Variants in COLQ observed in about 807,000 individuals in gnomAD.
COLQ encodes collagen like tail subunit of asymmetric acetylcholinesterase.
A neutral mutation model predicts 69.0 loss-of-function variants in COLQ; 48 were observed. That is an observed-to-expected ratio of 0.70 (90% confidence interval 0.55 to 0.88). COLQ has a LOEUF of 0.88. COLQ is among the 40% of genes least tolerant of loss of function. The pLI is 0.00. For missense variants in COLQ, 618 were observed against 594.6 expected (o/e 1.04, Z -0.41); for synonymous variants, 217 against 211.2 (o/e 1.03, Z -0.24).
At chr3:15,502,408 T>A (rs1481870592) in intron 1 of COLQ, among the ~76,000 whole-genome samples, 2 of 151,942 alleles carry the variant, frequency 1.3e-5, no homozygotes, top group Non-Finnish European at 1.5e-5. Flanking sequence ...TGAGCCACCA[T>A]GCCCAGTCTT....
chr3:15,487,025 C>T (rs562982321), intron 3 of COLQ, among the ~76,000 whole-genome samples: 2 of 152,220 alleles, frequency 1.3e-5, no homozygotes, highest in African/African-American at 2.4e-5. Context: ...AGTTTGCCAA[C>T]CCCTGCCATT....
intron 1 of COLQ, among the ~76,000 whole-genome samples, chr3:15,507,735 G>A (rs1477249785): frequency 6.6e-6 from 1 of 152,186 alleles, no homozygotes; most frequent in Non-Finnish European, 1.5e-5. Context: ...GATTACAGGC[G>A]TGAGCCACTG....
rs1161842284 is a variant in COLQ, at chr3:15,473,319, T to A, written c.636+681A>T. Among the ~76,000 whole-genome samples the A allele has an allele frequency of 6.6e-6, 1 of 152,138 alleles. No individual in the cohort carries two copies. The highest frequency in any genetic ancestry group is 6.6e-5 in the Admixed American group (1 of 15,260). On this transcript the variant is annotated intron_variant, in intron 10 of 16. Transcript: ENST00000383788. This position sits in a 1 kb window ranked among gnomAD's most constrained non-coding sequence, Gnocchi z 4.0. ...GGTGCGAACTACCATGCCCAGCTAA[T>A]GTTTTGTATATTTTTCTTGGTAGAA...
intron 3 of COLQ, 44 bp from the exon 4 acceptor site, chr3:15,479,426 G>A (rs767917365): frequency 1.9e-6 from 3 of 1,589,766 alleles, no homozygotes; most frequent in Non-Finnish European, 2.6e-6. Context: ...ATATCAGTCT[G>A]AAGCTGGATG....
rs760371058 is a variant in COLQ at position 15,489,227 on chromosome 3, A to AGTT, written c.219+295_219+297dup. 1.2e-3 allele frequency among the ~76,000 whole-genome samples: 187 copies of AGTT among 152,240 alleles called. 4 individuals are homozygous for AGTT. Among genetic ancestry groups the AGTT allele is most frequent in the Non-Finnish European group, 4.0e-4 (27 of 68,050 alleles). On this transcript the variant is annotated intron_variant, in intron 2 of 16. Coordinates refer to ENST00000383788, the MANE Select transcript of COLQ (RefSeq NM_005677.4). Reference sequence around the variant, plus strand: ...TTGAGCAGCTGATGGGAACCCAGGAAGTTATATTATAAATTCACCTCATGG... The same window carrying AGTT: ...TTGAGCAGCTGATGGGAACCCAGGAAGTTGTTATATTATAAATTCACCTCATGG...
chr3:15,494,344 A>G (rs1354589464), intron 1 of COLQ, among the ~76,000 whole-genome samples: 1 of 152,124 alleles, frequency 6.6e-6, no homozygotes, highest in African/African-American at 2.4e-5. Context: ...TGATGCAGAG[A>G]AACGGGGCCA....
intron 13 of COLQ, 85 bp downstream of exon 13, chr3:15,458,101 C>T: frequency 2.0e-6 from 3 of 1,486,574 alleles, no homozygotes; most frequent in East Asian, 2.3e-5. Context: ...GTTAGTTTTA[C>T]TGAAAGGATT....
intron 12 of COLQ, among the ~76,000 whole-genome samples, chr3:15,463,342 G>T (rs1575466994): frequency 7.0e-6 from 1 of 142,866 alleles, no homozygotes; most frequent in South Asian, 2.1e-4. Flanking sequence ...TGTTTTTGTT[G>T]TTTTTTGTTT....
intron 1 of COLQ, among the ~76,000 whole-genome samples, chr3:15,515,039 T>C (rs1222821517): frequency 1.3e-5 from 2 of 152,200 alleles, no homozygotes; most frequent in Non-Finnish European, 2.9e-5. Context: ...GGGCTAAGCA[T>C]AAAGGCTGGA....
chr3:15,514,239 A>T (rs886723139), intron 1 of COLQ, among the ~76,000 whole-genome samples: 5 of 152,216 alleles, frequency 3.3e-5, no homozygotes, highest in African/African-American at 4.8e-5. Flanking sequence ...GATTTATTAC[A>T]GTAGCCATAG....
intron 12 of COLQ, among the ~76,000 whole-genome samples, chr3:15,462,021 A>ATTTG (rs57994138): frequency 0.023 from 3,410 of 150,628 alleles, 131 homozygotes; most frequent in African/African-American, 0.077. Flanking sequence ...TTATTTATTT[A>ATTTG]TTTATTTATT....
chr3:15,475,542 A>T, intron 6 of COLQ, 55 bp from the exon 7 acceptor site: 1 of 1,508,844 alleles, frequency 6.6e-7, no homozygotes, highest in Non-Finnish European at 9.0e-7. Flanking sequence ...GAGAAACTGA[A>T]CCAGGAAGTC....
At chr3:15,457,760 G>C (rs1185914322) in intron 13 of COLQ, among the ~76,000 whole-genome samples, 1 of 152,044 alleles carries the variant, frequency 6.6e-6, no homozygotes, top group East Asian at 1.9e-4. Context: ...CAACAGGCGT[G>C]CACCACCGCG....
At chr3:15,470,699 T>TAG in intron 10 of COLQ, 83 bp from the exon 11 acceptor site, 7 of 1,277,666 alleles carry the variant, frequency 5.5e-6, no homozygotes, top group Non-Finnish European at 8.0e-6. Flanking sequence ...AGTCATTGGC[T>TAG]ACGAGGGCAG....
At chr3:15,510,786 G>A (rs980129268) in intron 1 of COLQ, among the ~76,000 whole-genome samples, 4 of 136,886 alleles carry the variant, frequency 2.9e-5, no homozygotes, top group Admixed American at 2.2e-4. Context: ...GGGAATGGAG[G>A]GGAGGGGAGG....
At chr3:15,477,047 TG>T in intron 6 of COLQ, 78 bp downstream of exon 6, 1 of 1,328,370 alleles carries the variant, frequency 7.5e-7, no homozygotes, top group South Asian at 1.3e-5. Flanking sequence ...CCTGACTATG[TG>T]CCAGGAGCCA....
chr3:15,487,961 A>G (rs1314118848), intron 3 of COLQ, among the ~76,000 whole-genome samples: 1 of 152,200 alleles, frequency 6.6e-6, no homozygotes, highest in African/African-American at 2.4e-5. Flanking sequence ...TTCCCCCAAA[A>G]TTCAGTATTG....
Position 15,480,867 on chromosome 3 carries a change from C to T in COLQ, c.322-1485G>A, listed in dbSNP as rs538033930. Reference sequence around the variant, plus strand: ...TGTTGTTTCCTGACTTTTTAATGATCGCCATTCTAACTGGTGTGAGATATC... The same window carrying T: ...TGTTGTTTCCTGACTTTTTAATGATTGCCATTCTAACTGGTGTGAGATATC... On this transcript the variant is annotated intron_variant, in intron 3 of 16. Transcript: ENST00000383788. 6.2e-4 allele frequency among the ~76,000 whole-genome samples: 94 copies of T among 152,246 alleles called. 1 individual carries two copies. In the South Asian group the frequency reaches 0.017, roughly 27 times the overall value.
chr3:15,511,308 C>T (rs2062981502), intron 1 of COLQ, among the ~76,000 whole-genome samples: 2 of 152,232 alleles, frequency 1.3e-5, no homozygotes, highest in Admixed American at 1.3e-4. Context: ...CTACATGTCT[C>T]CATATGATCT....
Sources: allele counts gnomAD v4.1 joint callset (sites outside exome capture counted in the v4.1 genomes callset), GRCh38; gene constraint gnomAD v4.1.1; non-coding constraint Gnocchi (gnomAD v3.1); transcripts MANE v1.5; gene names NCBI Gene and HGNC (gene_info 2026-07-23, HGNC 2026-07-21).